Variants in SEMA5A observed in about 807,000 individuals in gnomAD.
SEMA5A encodes the protein semaphorin 5A.
A neutral mutation model predicts 135.5 loss-of-function variants in SEMA5A; 55 were observed. The ratio of observed to expected loss-of-function variants is 0.41; its 90% CI spans 0.33 to 0.51. The LOEUF (loss-of-function observed/expected upper bound fraction) is 0.51, where lower values mean the gene tolerates loss of function less well. Ranked by LOEUF, SEMA5A falls within the 20% of genes least tolerant of loss-of-function variation. SEMA5A has a pLI of 0.37. For synonymous variants in SEMA5A, 580 were observed against 546.5 expected, an observed-to-expected ratio of 1.06 and a Z score of -0.85; for missense variants, 1,290 against 1,419.9, an observed-to-expected ratio of 0.91 and a Z score of 1.47.
intron 4 of SEMA5A, among the ~76,000 whole-genome samples, chr5:9,328,125 C>T (rs1351315592): frequency 1.3e-5 from 2 of 152,170 alleles, no homozygotes; most frequent in Non-Finnish European, 2.9e-5. Flanking sequence ...ACTCCCAAAA[C>T]TCACTGAATG....
intron 12 of SEMA5A, among the ~76,000 whole-genome samples, chr5:9,146,048 AAC>A (rs755160949): frequency 1.3e-5 from 2 of 152,128 alleles, no homozygotes; most frequent in Admixed American, 6.6e-5. Context: ...GACTGTTGAA[AAC>A]ACACATTGCC....
At chr5:9,093,980 T>G (rs1189031832) in intron 16 of SEMA5A, among the ~76,000 whole-genome samples, 1 of 152,206 alleles carries the variant, frequency 6.6e-6, no homozygotes, top group Non-Finnish European at 1.5e-5. Flanking sequence ...CCACACCTGT[T>G]GGTGCCCTTG....
chr5:9,188,353 C>A (rs1253633098), intron 11 of SEMA5A, among the ~76,000 whole-genome samples: 1 of 152,198 alleles, frequency 6.6e-6, no homozygotes, highest in East Asian at 1.9e-4. Context: ...TAGCAACTGA[C>A]TAAGACACTC....
intron 13 of SEMA5A, among the ~76,000 whole-genome samples, chr5:9,131,873 T>C (rs1460040052): frequency 2.0e-5 from 3 of 152,086 alleles, no homozygotes; most frequent in Non-Finnish European, 4.4e-5. Context: ...CATCATATGG[T>C]ACCCTGGTCA....
Position 9,534,916 on chromosome 5 carries a change from ACAT to A in SEMA5A, c.-175+10665_-175+10667del, listed in dbSNP as rs1347732835. ...CTTTCAGGATTTCAATGGACAGGGC[ACAT>A]AACCACAGTGAAGCCTGACTCTTGT... is the stretch of plus-strand genomic sequence containing the variant. On this transcript the variant is annotated intron_variant, in intron 1 of 22. Transcript: ENST00000382496. Among the ~76,000 whole-genome samples the A allele has an allele frequency of 2.0e-5, 3 of 152,258 alleles. No homozygotes were observed. The South Asian group carries it at 6.2e-4, about 31-fold the overall frequency.
chr5:9,154,236 A>G (rs973539822), intron 12 of SEMA5A, among the ~76,000 whole-genome samples: 2 of 151,144 alleles, frequency 1.3e-5, no homozygotes, highest in African/African-American at 4.9e-5. Context: ...GCACTGAATA[A>G]TTTATTTTAA....
At chr5:9,240,355 A>G (rs1447946234) in intron 5 of SEMA5A, among the ~76,000 whole-genome samples, 4 of 152,036 alleles carry the variant, frequency 2.6e-5, no homozygotes, top group African/African-American at 7.2e-5. Context: ...ATTTTATATT[A>G]AGAATGGAAC....
chr5:9,422,826 A>C (rs1391545651), intron 2 of SEMA5A, among the ~76,000 whole-genome samples: 2 of 152,222 alleles, frequency 1.3e-5, no homozygotes, highest in East Asian at 3.9e-4. Flanking sequence ...TATGTTTCTC[A>C]TTCCAAAAAT....
intron 1 of SEMA5A, among the ~76,000 whole-genome samples, chr5:9,511,569 T>C (rs2126847024): frequency 6.6e-6 from 1 of 152,302 alleles, no homozygotes; most frequent in East Asian, 1.9e-4. Context: ...CTCTGTAACC[T>C]GAAATATTGT....
intron 1 of SEMA5A, among the ~76,000 whole-genome samples, chr5:9,531,631 C>A (rs1194122471): frequency 6.6e-6 from 1 of 152,140 alleles, no homozygotes; most frequent in Non-Finnish European, 1.5e-5. Context: ...TTGAATTGAA[C>A]CTGCAACATT....
rs17238053 is a variant in SEMA5A at position 9,122,778 on chromosome 5, C to A, written c.1659G>T (p.Thr553=). The A allele has an allele frequency of 0.087, 140,494 of 1,612,044 alleles. 6,845 individuals carry two copies. The highest frequency in any genetic ancestry group is 0.16 in the South Asian group (14,172 of 90,752). Residue 553 remains threonine (T), a synonymous_variant, in exon 14 of 23, where the codon ACG becomes ACT. Coordinates refer to ENST00000382496, the MANE Select transcript of SEMA5A (RefSeq NM_003966.3). ...ATCCCACGGCGCTGCCATCTGTGTG[C>A]GTGCAAGGCGTCCACGGAGACCACA... The part of the protein sequence containing the change: ...FGVWSPWTPC[T]HTDGSAVGSC...
chr5:9,058,175 G>A (rs76397895), intron 18 of SEMA5A, among the ~76,000 whole-genome samples: 16,653 of 152,098 alleles, frequency 0.11, 1,125 homozygotes, highest in African/African-American at 0.18. Flanking sequence ...ATTAGTAATA[G>A]TAATAATTAA....
At chr5:9,056,776 T>G (rs909594657) in intron 18 of SEMA5A, among the ~76,000 whole-genome samples, 2 of 152,074 alleles carry the variant, frequency 1.3e-5, no homozygotes, top group Admixed American at 1.3e-4. Flanking sequence ...CAATCCTGGG[T>G]ATATATCAAA....
intron 1 of SEMA5A, among the ~76,000 whole-genome samples, chr5:9,446,392 A>T (rs977651953): frequency 2.0e-5 from 3 of 152,154 alleles, no homozygotes; most frequent in Non-Finnish European, 4.4e-5. Flanking sequence ...AAGTGCTCAA[A>T]ATGAGCAATT....
intron 12 of SEMA5A, among the ~76,000 whole-genome samples, chr5:9,141,117 C>G (rs914189212): frequency 3.3e-5 from 5 of 152,190 alleles, no homozygotes; most frequent in Non-Finnish European, 7.3e-5. Flanking sequence ...ATAATTTCCT[C>G]ATGCAAAATA....
At chr5:9,510,740 G>T (rs971633216) in intron 1 of SEMA5A, among the ~76,000 whole-genome samples, 5 of 152,134 alleles carry the variant, frequency 3.3e-5, no homozygotes, top group African/African-American at 1.2e-4. Context: ...GCATGTATTG[G>T]TATATATCAC....
intron 18 of SEMA5A, among the ~76,000 whole-genome samples, chr5:9,061,688 G>A (rs74439421): frequency 0.019 from 2,900 of 152,204 alleles, 96 homozygotes; most frequent in African/African-American, 0.066. Context: ...AGCCCTGGGC[G>A]GGGGCTCTTT....
At position 9,063,020 on chromosome 5, in the gene SEMA5A, C is replaced by CTGTG; in HGVS notation, c.2381_2384dup (p.Gln795HisfsTer6). On this transcript the variant is annotated frameshift_variant, in exon 18 of 23. Coordinates refer to ENST00000382496, the MANE Select transcript of SEMA5A (RefSeq NM_003966.3). LOFTEE classifies it high-confidence loss of function. ...TGCCCCTGCTGCAGTCACGGCTGCA[C>CTGTG]TGTGACCACGACGTCCAGGCTGACC... 1 of 1,614,230 alleles carries CTGTG rather than the reference C, an allele frequency of 6.2e-7. No homozygotes were observed. Among genetic ancestry groups the CTGTG allele is most frequent in the Middle Eastern group, 1.6e-4 (1 of 6,062 alleles).
At chr5:9,148,887 T>G (rs1462888452) in intron 12 of SEMA5A, among the ~76,000 whole-genome samples, 1 of 152,090 alleles carries the variant, frequency 6.6e-6, no homozygotes, top group Admixed American at 6.5e-5. Context: ...GTCCAGCTAA[T>G]TTTTGTATTT....
Sources: allele counts gnomAD v4.1 joint callset (sites outside exome capture counted in the v4.1 genomes callset), GRCh38; gene constraint gnomAD v4.1.1; transcripts MANE v1.5; gene names NCBI Gene and HGNC (gene_info 2026-07-23, HGNC 2026-07-21).